The following IRAK3 variants were observed in gnomAD, a reference collection of about 807,000 sequenced individuals.
IRAK3 encodes interleukin-1 receptor-associated kinase 3.
A neutral mutation model predicts 56.6 loss-of-function variants in IRAK3; 57 were observed. That is an observed-to-expected ratio of 1.01 (90% CI 0.81 to 1.26). IRAK3 has a LOEUF of 1.26. IRAK3 is among the 50% of genes most tolerant of loss of function. IRAK3 has a pLI of 0.00. For synonymous variants in IRAK3, 258 were observed against 255.7 expected (o/e 1.01, Z -0.09); for missense variants, 703 against 719.0 (o/e 0.98, Z 0.25).
Position 66,245,268 on chromosome 12 carries a change from T to G in IRAK3, c.1314+6T>G, listed in dbSNP as rs2053018039. On this transcript the variant is annotated splice_donor_region_variant and intron_variant, in intron 11 of 11. Transcript: ENST00000261233. ...TAAGACCATCAATGGATGAAGTGAG[T>G]ATATACATGGTTTTATTCAAAACTG... is the stretch of plus-strand genomic sequence containing the variant. 1 of 1,613,740 alleles carries G rather than the reference T, an allele frequency of 6.2e-7. No homozygotes were observed. The highest frequency in any genetic ancestry group is 1.1e-5 in the South Asian group (1 of 91,072).
chr12:66,221,966 T>C (rs2052738612), intron 6 of IRAK3, among the ~76,000 whole-genome samples: 1 of 151,986 alleles, frequency 6.6e-6, no homozygotes, highest in Admixed American at 6.6e-5. Flanking sequence ...GAGGCGGAGG[T>C]TGCAGTGGGC....
chr12:66,220,767 G>A (rs188274232), intron 6 of IRAK3, among the ~76,000 whole-genome samples: 12 of 151,766 alleles, frequency 7.9e-5, no homozygotes, highest in East Asian at 1.9e-4. Flanking sequence ...TGATCCGCCC[G>A]CCTCGGCCTC....
At chr12:66,195,575 T>A (rs776636072) in intron 1 of IRAK3, among the ~76,000 whole-genome samples, 2 of 152,194 alleles carry the variant, frequency 1.3e-5, no homozygotes, top group East Asian at 3.8e-4. Flanking sequence ...GCAAGGAACG[T>A]TCTTCCTGCC....
intron 1 of IRAK3, among the ~76,000 whole-genome samples, chr12:66,193,254 C>T (rs1309909165): frequency 6.6e-6 from 1 of 152,132 alleles, no homozygotes; most frequent in African/African-American, 2.4e-5. Flanking sequence ...CTCAGGTGAT[C>T]TGCCTGCCTC....
In IRAK3 at chr12:66,199,865, CT is replaced by C. The variant is rs2052490244; in HGVS notation, c.134-3841del. Among the ~76,000 whole-genome samples the C allele has an allele frequency of 2.0e-5, 3 of 152,246 alleles. No individual in the cohort carries two copies. In the South Asian group the frequency reaches 6.2e-4, roughly 32 times the overall value. On this transcript the variant is annotated intron_variant, in intron 1 of 11. Coordinates refer to ENST00000261233, the MANE Select transcript of IRAK3 (RefSeq NM_007199.3). ...TTACCATATTTGGCTAATATTTTTGCTTTTTAAAGGCTTCCTTTTAAAAATG... is the reference window on the plus strand; with the variant it reads ...TTACCATATTTGGCTAATATTTTTGCTTTTAAAGGCTTCCTTTTAAAAATG...
At chr12:66,216,178 T>C (rs940729267) in intron 5 of IRAK3, among the ~76,000 whole-genome samples, 5 of 152,186 alleles carry the variant, frequency 3.3e-5, no homozygotes, top group Admixed American at 2.0e-4. Context: ...TTTTTCAGAC[T>C]GGAAAACTAT....
At chr12:66,207,084 T>C (rs779336529) in intron 2 of IRAK3, among the ~76,000 whole-genome samples, 2 of 152,214 alleles carry the variant, frequency 1.3e-5, no homozygotes, top group Non-Finnish European at 2.9e-5. Flanking sequence ...GTAATTTGAA[T>C]CTCTTTCTTG....
intron 8 of IRAK3, among the ~76,000 whole-genome samples, chr12:66,242,880 C>G (rs1347106835): frequency 1.3e-5 from 2 of 152,138 alleles, no homozygotes; most frequent in Admixed American, 6.5e-5. Flanking sequence ...TCAAGACCAG[C>G]CTGGTCAACA....
chr12:66,222,929 C>A (rs1013411660), intron 6 of IRAK3, among the ~76,000 whole-genome samples: 1 of 151,432 alleles, frequency 6.6e-6, no homozygotes, highest in Non-Finnish European at 1.5e-5. Flanking sequence ...GGGCTGAGTC[C>A]GAAAAGAGAG....
chr12:66,213,657 A>G (rs1404574508), intron 5 of IRAK3, among the ~76,000 whole-genome samples: 1 of 152,132 alleles, frequency 6.6e-6, no homozygotes, highest in Non-Finnish European at 1.5e-5. Context: ...ATTTTAACAA[A>G]TGTACCTCAC....
chr12:66,205,568 G>T (rs1390319869), intron 2 of IRAK3, among the ~76,000 whole-genome samples: 1 of 152,176 alleles, frequency 6.6e-6, no homozygotes, highest in African/African-American at 2.4e-5. Context: ...TTGCTCAACA[G>T]GCGTTTCCTA....
intron 5 of IRAK3, among the ~76,000 whole-genome samples, chr12:66,214,342 G>T (rs2052643863): frequency 6.6e-6 from 1 of 151,472 alleles, no homozygotes; most frequent in Non-Finnish European, 1.5e-5. Flanking sequence ...TGGCCAACAT[G>T]GTGAAACCCT....
At chr12:66,189,524 C>A (rs1188207327) in intron 1 of IRAK3, 92 bp downstream of exon 1, 3 of 903,282 alleles carry the variant, frequency 3.3e-6, no homozygotes, top group African/African-American at 1.8e-5. Flanking sequence ...GGGTCCCTCG[C>A]GGGGCTGGCG....
chr12:66,198,702 G>A (rs921592606), intron 1 of IRAK3, among the ~76,000 whole-genome samples: 3 of 151,150 alleles, frequency 2.0e-5, no homozygotes, highest in African/African-American at 7.3e-5. Context: ...GATACAGGAT[G>A]CCTAATACTA....
chr12:66,234,998 G>C (rs976896484), intron 8 of IRAK3: 204 of 1,613,648 alleles, frequency 1.3e-4, no homozygotes, highest in Non-Finnish European at 1.6e-4. Context: ...GCATTTGTTC[G>C]TTGTCTTATG....
chr12:66,243,323 C>A (rs2052991566), intron 8 of IRAK3, among the ~76,000 whole-genome samples: 1 of 152,174 alleles, frequency 6.6e-6, no homozygotes, highest in African/African-American at 2.4e-5. Flanking sequence ...TTGTAAGATC[C>A]AAAATTTGTT....
chr12:66,213,866 C>T (rs886692671), intron 5 of IRAK3, among the ~76,000 whole-genome samples: 1 of 151,546 alleles, frequency 6.6e-6, no homozygotes, highest in African/African-American at 2.4e-5. Context: ...GCCAGAGTAA[C>T]CACTCAGTAA....
At chr12:66,218,278 A>G (rs2052697711) in intron 6 of IRAK3, among the ~76,000 whole-genome samples, 1 of 152,168 alleles carries the variant, frequency 6.6e-6, no homozygotes, top group Non-Finnish European at 1.5e-5. Flanking sequence ...TTCATATTCT[A>G]TTATATTCTA....
chr12:66,195,926 G>A (rs2052447800), intron 1 of IRAK3, among the ~76,000 whole-genome samples: 1 of 151,890 alleles, frequency 6.6e-6, no homozygotes, highest in African/African-American at 2.4e-5. Context: ...CAAAGTGCTG[G>A]GATTACAGGT....
Sources: allele counts gnomAD v4.1 joint callset (sites outside exome capture counted in the v4.1 genomes callset), GRCh38; gene constraint gnomAD v4.1.1; transcripts MANE v1.5; gene names NCBI Gene and HGNC (gene_info 2026-07-23, HGNC 2026-07-21).